Variants in PITRM1 observed in about 807,000 individuals in gnomAD.
PITRM1 encodes presequence protease, mitochondrial.
Under a neutral mutation model 129.9 loss-of-function variants are expected in PITRM1, and 100 were observed. That is an observed-to-expected ratio of 0.77 (90% CI 0.65 to 0.91). PITRM1 has a LOEUF of 0.91. Among genes scored for constraint, PITRM1 ranks in the 40% least tolerant of loss-of-function variants. The pLI is 0.00. For synonymous variants in PITRM1, 591 were observed against 508.8 expected (o/e 1.16, Z -2.17); for missense variants, 1,471 against 1,318.3 (o/e 1.12, Z -1.79).
chr10:3,157,468 A>T lies in PITRM1; in HGVS notation c.1314T>A (p.His438Gln). Reference sequence around the variant, plus strand: ...GCATCAGCCCAAAGCTGGTAGACTGATGTTTCATCTGTATTTCAATTTTAT... The same window carrying T: ...GCATCAGCCCAAAGCTGGTAGACTGTTGTTTCATCTGTATTTCAATTTTAT... ...LLHKIEIQMKHQSTSFGLMLT... is the reference protein window; with the variant it reads ...LLHKIEIQMKQQSTSFGLMLT... Residue 438 changes from histidine (H) to glutamine (Q), a missense_variant, in exon 12 of 27, where the codon CAT (histidine) becomes CAA (glutamine). By Grantham distance (24) the His-to-Gln change is conservative (BLOSUM62 0). Coordinates refer to ENST00000224949, the MANE Select transcript of PITRM1 (RefSeq NM_014889.4). The T allele has an allele frequency of 6.2e-7, 1 of 1,611,188 alleles. No individual in the cohort carries two copies. Among genetic ancestry groups the T allele is most frequent in the South Asian group, 1.1e-5 (1 of 90,810 alleles).
At chr10:3,156,497 A>G (rs917935571) in intron 13 of PITRM1, among the ~76,000 whole-genome samples, 9 of 152,234 alleles carry the variant, frequency 5.9e-5, no homozygotes, top group South Asian at 2.1e-4. Flanking sequence ...TAAAAGTTCT[A>G]CCATAGTAAT....
intron 13 of PITRM1, among the ~76,000 whole-genome samples, chr10:3,156,027 C>T (rs1210898305): frequency 2.0e-5 from 3 of 152,156 alleles, no homozygotes; most frequent in African/African-American, 7.2e-5. Flanking sequence ...TAAACATTTT[C>T]ATTACATCTT....
chr10:3,160,431 C>T, intron 7 of PITRM1, 101 bp from the exon 8 acceptor site: 1 of 974,892 alleles, frequency 1.0e-6, no homozygotes, highest in Non-Finnish European at 1.6e-6. Flanking sequence ...TGCCCCTTAC[C>T]CAAGGTCTCG....
chr10:3,155,122 C>G (rs973140514), intron 14 of PITRM1, among the ~76,000 whole-genome samples: 3 of 152,198 alleles, frequency 2.0e-5, no homozygotes, highest in Admixed American at 6.5e-5. Flanking sequence ...CCCACACACG[C>G]TGTCCTCCCT....
chr10:3,167,284 A>AGAGAGAGAGC (rs542471115), intron 2 of PITRM1, among the ~76,000 whole-genome samples: 6 of 148,976 alleles, frequency 4.0e-5, no homozygotes, highest in Admixed American at 2.0e-4. Flanking sequence ...AAAGAGAGAG[A>AGAGAGAGAGC]GAGCGAGCGA....
chr10:3,165,606 C>T, intron 4 of PITRM1, 79 bp from the exon 5 acceptor site: 1 of 865,724 alleles, frequency 1.2e-6, no homozygotes, highest in Non-Finnish European at 1.9e-6. Context: ...CTCATTCCCC[C>T]TTTGTCCTAG....
chr10:3,155,282 G>C (rs1841880378), intron 14 of PITRM1, among the ~76,000 whole-genome samples: 3 of 152,162 alleles, frequency 2.0e-5, no homozygotes, highest in African/African-American at 7.2e-5. Context: ...CACAGGCCAG[G>C]CAACACGCAC....
rs898967815 is a variant in PITRM1 at position 3,149,647 on chromosome 10, C to T, written c.1845G>A (p.Val615=). 1.3e-6 allele frequency: 2 copies of T among 1,586,084 alleles called. No individual in the cohort carries two copies. The highest frequency in any genetic ancestry group is 2.3e-5 in the East Asian group (1 of 44,218). Residue 615 remains valine, a synonymous_variant, in exon 16 of 27, where the codon GTG becomes GTA. Transcript: ENST00000224949. ...TGGTGAGGACGCTGCAGAAGAGGGG[C>T]ACATAGGGCCTCAGCTCCTCGGGGA... ...NTLPEELRPY[V]PLFCSVLTKL... is the part of the protein sequence containing the mutation.
chr10:3,159,736 T>A, intron 9 of PITRM1, 112 bp downstream of exon 9: 1 of 636,240 alleles, frequency 1.6e-6, no homozygotes, highest in South Asian at 2.1e-5. Flanking sequence ...AACCCCTGAA[T>A]CCTAACCGTA....
Position 3,165,497 on chromosome 10 carries a change from G to T in PITRM1, c.449C>A (p.Thr150Lys). 1 of 1,610,130 alleles carries T rather than the reference G, an allele frequency of 6.2e-7. No individual in the cohort carries two copies. Among genetic ancestry groups the T allele is most frequent in the Non-Finnish European group, 8.5e-7 (1 of 1,176,702 alleles). The change falls in exon 5 of 27, where the codon ACA (threonine) becomes AAA (lysine). Residue 150 changes from threonine (T) to lysine (K), a missense_variant. Coordinates refer to ENST00000224949, the MANE Select transcript of PITRM1 (RefSeq NM_014889.4). Reference sequence around the variant, plus strand: ...ATTCTGAAAGTCCTTGGGATTTTGTGTGGAAAATGGATACAGAGTATAATC... The same window carrying T: ...ATTCTGAAAGTCCTTGGGATTTTGTTTGGAAAATGGATACAGAGTATAATC... ...ASDYTLYPFS[T>K]QNPKDFQNLL...
chr10:3,159,919 T>G lies in PITRM1; in HGVS notation c.936A>C (p.Thr312=), dbSNP rs779519933. The G allele has an allele frequency of 7.5e-6, 12 of 1,600,610 alleles. No homozygotes were observed. Among genetic ancestry groups the G allele is most frequent in the Non-Finnish European group, 1.0e-5 (12 of 1,172,434 alleles). The change falls in exon 9 of 27, where the codon ACA becomes ACC. Residue 312 remains threonine (T), a synonymous_variant. Coordinates refer to ENST00000224949, the MANE Select transcript of PITRM1 (RefSeq NM_014889.4). The stretch of plus-strand genomic sequence containing the variant: ...CTGTAGCAAATGAATCCGGGCCACA[T>G]GTTATCTGGAATTCCCTCTGTAAAA... ...PWDKPREFQI[T]CGPDSFATDP... is the part of the protein sequence containing the mutation.
In PITRM1 at chr10:3,155,583, C is replaced by A; in HGVS notation, c.1621+8G>T. ...AGGGACTCGCCAGCTCGGAAGGAAG[C>A]CTCTGACCTTTCTCGTAGATCTGCT... On this transcript the variant is annotated splice_region_variant and intron_variant, in intron 14 of 26. Transcript: ENST00000224949. The A allele has an allele frequency of 6.2e-7, 1 of 1,613,822 alleles. No homozygotes were observed. Among genetic ancestry groups the A allele is most frequent in the South Asian group, 1.1e-5 (1 of 91,058 alleles).
Position 3,138,339 on chromosome 10 carries a change from T to C in PITRM1, c.2918-2A>G, listed in dbSNP as rs759852680. The C allele has an allele frequency of 1.2e-6, 2 of 1,608,206 alleles. No individual in the cohort carries two copies. Among genetic ancestry groups the C allele is most frequent in the African/African-American group, 2.7e-5 (2 of 74,926 alleles). On this transcript the variant is annotated splice_acceptor_variant, in intron 25 of 26. Coordinates refer to ENST00000224949, the MANE Select transcript of PITRM1 (RefSeq NM_014889.4). LOFTEE classifies it high-confidence loss of function. ...GGCCGTACAAGAAGTGGTCCATTCC[T>C]AGAAGACAATCCACAGGCACGATGG...
At position 3,138,180 on chromosome 10, in the gene PITRM1, G is replaced by C. The variant is rs1839763056; in HGVS notation, c.3020+55C>G. 3.8e-6 allele frequency: 6 copies of C among 1,569,024 alleles called. No individual in the cohort carries two copies. In the East Asian group the frequency reaches 9.0e-5, roughly 23 times the overall value. ...ACTGGCTTCTGCGTGAGCGCTGTTAGAGTCAGCACGAGGGCTTCCAGTCCC... is the reference window on the plus strand; with the variant it reads ...ACTGGCTTCTGCGTGAGCGCTGTTACAGTCAGCACGAGGGCTTCCAGTCCC... On this transcript the variant is annotated intron_variant, in intron 26 of 26. Coordinates refer to ENST00000224949, the MANE Select transcript of PITRM1 (RefSeq NM_014889.4).
chr10:3,172,733 T>G lies in PITRM1; in HGVS notation c.40A>C (p.Arg14=). 1 of 1,544,858 alleles carries G rather than the reference T, an allele frequency of 6.5e-7. No homozygotes were observed. Among genetic ancestry groups the G allele is most frequent in the Non-Finnish European group, 8.7e-7 (1 of 1,145,140 alleles). ...CGGRQGLCVL[R]RLSGGHAHHR... ...GCGTCTCACCCGCCGCTCAGCCGCCTCAGCACACACAGGCCCTGCCGCCCG... is the reference window on the plus strand; with the variant it reads ...GCGTCTCACCCGCCGCTCAGCCGCCGCAGCACACACAGGCCCTGCCGCCCG... Residue 14 remains arginine, a synonymous_variant, in exon 1 of 27, where the codon AGG becomes CGG. Coordinates refer to ENST00000224949, the MANE Select transcript of PITRM1 (RefSeq NM_014889.4).
At chr10:3,143,790 A>C (rs1840530131) in intron 22 of PITRM1, 1 of 645,840 alleles carries the variant, frequency 1.5e-6, no homozygotes, top group Non-Finnish European at 2.9e-6. Flanking sequence ...TCAATTAAAA[A>C]CATTTCATTC....
chr10:3,158,035 C>G lies in PITRM1; in HGVS notation c.1250+5G>C. ...AGCAGATTGTTACAAACAAGCTACA[C>G]TCACTCAACTACTTCATCAATCGTT... is the stretch of plus-strand genomic sequence containing the variant. On this transcript the variant is annotated splice_donor_5th_base_variant and intron_variant, in intron 11 of 26. Transcript: ENST00000224949. 1 of 1,535,240 alleles carries G rather than the reference C, an allele frequency of 6.5e-7. No homozygotes were observed. The highest frequency in any genetic ancestry group is 9.0e-7 in the Non-Finnish European group (1 of 1,107,514).
In PITRM1 at chr10:3,172,774, G is replaced by C; in HGVS notation, c.-2C>G. The stretch of plus-strand genomic sequence containing the variant: ...CTGCCGCCCGCCGCAGCGCCACATT[G>C]CGCATGACGAGCACCTGGCTGGCGA... On this transcript the variant is annotated 5_prime_UTR_variant, in exon 1 of 27. Transcript: ENST00000224949. The C allele has an allele frequency of 6.5e-7, 1 of 1,545,966 alleles. No individual in the cohort carries two copies. Among genetic ancestry groups the C allele is most frequent in the African/African-American group, 1.4e-5 (1 of 72,512 alleles).
chr10:3,143,006 G>A (rs777609313), intron 23 of PITRM1: 118 of 175,770 alleles, frequency 6.7e-4, no homozygotes, highest in Non-Finnish European at 5.7e-4. Context: ...TGTCATTCAC[G>A]CATCTGTCCT....
Sources: gnomAD v4.1 joint callset for allele counts (sites outside exome capture counted in the v4.1 genomes callset) on GRCh38, gnomAD v4.1.1 for gene constraint, MANE v1.5 for transcripts, NCBI Gene and HGNC (gene_info 2026-07-23, HGNC 2026-07-21) for gene names.